The following ADAMTS6 variants were observed in gnomAD, a reference collection of about 807,000 sequenced individuals.
ADAMTS6 encodes the protein ADAM metallopeptidase with thrombospondin type 1 motif 6, also known as A disintegrin and metalloproteinase with thrombospondin motifs 6.
In ADAMTS6, 23 loss-of-function variants were observed where a neutral mutation model predicts 144.3. The observed-to-expected ratio is 0.16, with a 90% CI of 0.11 to 0.23. The LOEUF (loss-of-function observed/expected upper bound fraction) is 0.23, where lower values mean the gene tolerates loss of function less well. Among genes scored for constraint, ADAMTS6 ranks in the 10% least tolerant of loss-of-function variants. ADAMTS6 has a pLI of 1.00. For synonymous variants in ADAMTS6, 444 were observed against 457.5 expected, an observed-to-expected ratio of 0.97 and a Z score of 0.38; for missense variants, 999 against 1,379.6, an observed-to-expected ratio of 0.72 and a Z score of 4.37.
At chr5:65,334,882 A>G in intron 7 of ADAMTS6, among the ~76,000 whole-genome samples, 1 of 152,184 alleles carries the variant, frequency 6.6e-6, no homozygotes, top group Admixed American at 6.5e-5. Flanking sequence ...TTTAAAACCA[A>G]AAGTATTTAA....
chr5:65,224,546 T>C (rs1757579576), intron 17 of ADAMTS6, 146 bp from the exon 18 acceptor site: 1 of 690,036 alleles, frequency 1.4e-6, no homozygotes, highest in Non-Finnish European at 2.5e-6. Context: ...CAAATTACCC[T>C]TTGGGTTCAT....
At chr5:65,418,843 A>C (rs1309013977) in intron 7 of ADAMTS6, among the ~76,000 whole-genome samples, 1 of 152,204 alleles carries the variant, frequency 6.6e-6, no homozygotes, top group Non-Finnish European at 1.5e-5. Context: ...CAAAACCACA[A>C]TGAAATACCA....
rs763527737 is a variant in ADAMTS6 at position 65,226,208 on chromosome 5, G to A, written c.1945C>T (p.Pro649Ser). 4 of 1,613,428 alleles carry A rather than the reference G, an allele frequency of 2.5e-6. No homozygotes were observed. Among genetic ancestry groups the A allele is most frequent in the Non-Finnish European group, 3.4e-6 (4 of 1,179,624 alleles). The change falls in exon 16 of 25, where the codon CCT becomes TCT. Residue 649 changes from proline (P) to serine (S), a missense_variant. Around this residue, in one of 3 missense-constraint regions of ADAMTS6, gnomAD observed 619 missense variants for 837.0 expected, o/e 0.74. Transcript: ENST00000381055. ...TCAGCCAAGCAGTTTAATGCACAAG[G>A]TTTTACCCCACCTGGACAAATACAG... is the stretch of plus-strand genomic sequence containing the variant. ...WKPYTGGGVK[P>S]CALNCLAEGY...
chr5:65,301,223 T>TG (rs1340973392), intron 9 of ADAMTS6, among the ~76,000 whole-genome samples: 1 of 152,248 alleles, frequency 6.6e-6, no homozygotes, highest in Non-Finnish European at 1.5e-5. Flanking sequence ...TATGTGTTTA[T>TG]ACAATGTATG....
chr5:65,170,689 C>G lies in ADAMTS6; in HGVS notation c.3172G>C (p.Glu1058Gln). Reference sequence around the variant, plus strand: ...TGCATTGATGGAGGCCGAACAGTTTCTAGACAGTCACTAGATGCCTGTCCG... The same window carrying G: ...TGCATTGATGGAGGCCGAACAGTTTGTAGACAGTCACTAGATGCCTGTCCG... ...YTGQASSDCLETVRPPSMQQC... is the reference protein window; with the variant it reads ...YTGQASSDCLQTVRPPSMQQC... Residue 1058 changes from glutamate (E) to glutamine (Q), a missense_variant, in exon 24 of 25, where the codon GAA becomes CAA. This residue lies in a region of ADAMTS6 where 619 missense variants were observed against 837.0 expected (regional missense o/e 0.74). Coordinates refer to ENST00000381055, the MANE Select transcript of ADAMTS6 (RefSeq NM_197941.4). The G allele has an allele frequency of 6.2e-7, 1 of 1,614,128 alleles. No homozygotes were observed. The highest frequency in any genetic ancestry group is 8.5e-7 in the Non-Finnish European group (1 of 1,180,022).
chr5:65,366,301 T>C (rs1404614719), intron 7 of ADAMTS6, among the ~76,000 whole-genome samples: 1 of 152,218 alleles, frequency 6.6e-6, no homozygotes, highest in Non-Finnish European at 1.5e-5. Flanking sequence ...TAAAAAAATG[T>C]TGGCAGGTCT....
At chr5:65,451,784 A>G (rs1316204378) in intron 6 of ADAMTS6, among the ~76,000 whole-genome samples, 164 bp from the exon 7 acceptor site, 2 of 152,152 alleles carry the variant, frequency 1.3e-5, no homozygotes, top group African/African-American at 2.4e-5. Context: ...CTCATTTGGT[A>G]TATTATTGAA....
intron 7 of ADAMTS6, among the ~76,000 whole-genome samples, chr5:65,335,401 C>T (rs1418981072): frequency 6.6e-6 from 1 of 152,132 alleles, no homozygotes; most frequent in Non-Finnish European, 1.5e-5. Context: ...CTCATCGAAG[C>T]ACCATAAAGT....
intron 7 of ADAMTS6, among the ~76,000 whole-genome samples, chr5:65,359,148 A>C (rs915490355): frequency 6.6e-6 from 1 of 152,108 alleles, no homozygotes; most frequent in African/African-American, 2.4e-5. Flanking sequence ...TAATGTCCAA[A>C]ATATATAAGC....
chr5:65,188,704 G>A (rs955211800), intron 21 of ADAMTS6, among the ~76,000 whole-genome samples: 2 of 152,112 alleles, frequency 1.3e-5, no homozygotes, highest in African/African-American at 4.8e-5. Context: ...ATATACTAAA[G>A]GTGAACAGGA....
At chr5:65,474,146 C>T (rs1760672330) in intron 1 of ADAMTS6, among the ~76,000 whole-genome samples, 194 bp from the exon 2 acceptor site, 1 of 152,058 alleles carries the variant, frequency 6.6e-6, no homozygotes, top group South Asian at 2.1e-4. Context: ...TGGTTATCAG[C>T]ATAATGCCAG....
chr5:65,249,238 C>G (rs542875089), intron 14 of ADAMTS6, among the ~76,000 whole-genome samples: 5 of 152,102 alleles, frequency 3.3e-5, no homozygotes, highest in Admixed American at 3.3e-4. Flanking sequence ...ACTGAATGCA[C>G]GTGCTGGGGA....
chr5:65,426,208 G>A (rs1444118764), intron 7 of ADAMTS6, among the ~76,000 whole-genome samples: 1 of 143,196 alleles, frequency 7.0e-6, no homozygotes, highest in Non-Finnish European at 1.5e-5. Flanking sequence ...CACCATGCCT[G>A]GCTAATTTTT....
chr5:65,251,144 A>T (rs1460073710), intron 14 of ADAMTS6: 1 of 152,274 alleles, frequency 6.6e-6, no homozygotes, highest in Non-Finnish European at 1.5e-5. Context: ...TATATTTTTG[A>T]GCAGCTCCTA....
At chr5:65,196,925 T>G in intron 21 of ADAMTS6, 97 bp downstream of exon 21, 1 of 1,421,608 alleles carries the variant, frequency 7.0e-7, no homozygotes, top group Non-Finnish European at 9.4e-7. Context: ...TCAGCCTAAT[T>G]TATTCTCATC....
chr5:65,444,378 G>A (rs1441541819), intron 7 of ADAMTS6, among the ~76,000 whole-genome samples: 1 of 151,972 alleles, frequency 6.6e-6, no homozygotes, highest in East Asian at 1.9e-4. Flanking sequence ...CACACAAAAA[G>A]CTATTAAAAC....
intron 7 of ADAMTS6, among the ~76,000 whole-genome samples, chr5:65,448,287 C>T (rs745543954): frequency 6.6e-6 from 1 of 151,946 alleles, no homozygotes; most frequent in African/African-American, 2.4e-5. Context: ...TGTAAATCAA[C>T]AAAATAAAAC....
chr5:65,330,767 G>C (rs1411330820), intron 8 of ADAMTS6, among the ~76,000 whole-genome samples: 1 of 152,062 alleles, frequency 6.6e-6, no homozygotes, highest in Non-Finnish European at 1.5e-5. Context: ...AGACAGGCAA[G>C]AGTTGGGGAG....
chr5:65,464,748 G>C (rs541998595), intron 3 of ADAMTS6, among the ~76,000 whole-genome samples: 1 of 152,200 alleles, frequency 6.6e-6, no homozygotes, highest in South Asian at 2.1e-4. Flanking sequence ...CCTAGACTTT[G>C]AGCATTATCA....
Sources: gnomAD v4.1 joint callset for allele counts (sites outside exome capture counted in the v4.1 genomes callset) on GRCh38, gnomAD v4.1.1 for gene constraint, gnomAD v4.1.1 regional missense constraint, MANE v1.5 for transcripts, NCBI Gene and HGNC (gene_info 2026-07-23, HGNC 2026-07-21) for gene names.